Variants in SLC24A2 observed in about 807,000 individuals in gnomAD.
The protein encoded by SLC24A2 is sodium/potassium/calcium exchanger 2.
A neutral mutation model predicts 62.0 loss-of-function variants in SLC24A2; 36 were observed. That is an observed-to-expected ratio of 0.58 (90% confidence interval 0.44 to 0.77). The LOEUF (loss-of-function observed/expected upper bound fraction) is 0.77, where lower values mean the gene tolerates loss of function less well. Among genes scored for constraint, SLC24A2 ranks in the 30% least tolerant of loss-of-function variants. The pLI, the probability that SLC24A2 is intolerant of heterozygous loss-of-function variation, is 0.00. For synonymous variants in SLC24A2, 358 were observed against 294.0 expected, an observed-to-expected ratio of 1.22 and a Z score of -2.23; for missense variants, 846 against 817.9, an observed-to-expected ratio of 1.03 and a Z score of -0.42.
rs1384840847 is a variant in SLC24A2 at position 19,513,117 on chromosome 9, G to C, written c.*3036C>G. On this transcript the variant is annotated 3_prime_UTR_variant, in exon 11 of 11. Transcript: ENST00000341998. ...ATAGGGTCAGAGGGTGATGATGTAA[G>C]TCATATTATATGTGTACATATAGAT... 7.1e-6 allele frequency: 1 copy of C among 141,840 alleles called. No homozygotes were observed. Among genetic ancestry groups the C allele is most frequent in the Non-Finnish European group, 1.5e-5 (1 of 66,856 alleles). 8.8% of individuals were successfully genotyped at this position (141,840 alleles called of 1,614,324 possible).
chr9:20,241,159 G>A, the SLC24A2 span, among the ~76,000 whole-genome samples: 2 of 152,174 alleles, frequency 1.3e-5, no homozygotes, highest in African/African-American at 2.4e-5. Context: ...GCAAAGACAC[G>A]CATCCAGTGC....
chr9:20,274,431 G>A, the SLC24A2 span, among the ~76,000 whole-genome samples: 11 of 152,176 alleles, frequency 7.2e-5, no homozygotes, highest in Non-Finnish European at 1.0e-4. Flanking sequence ...TCAAAAAAGT[G>A]TCCTGATCCA....
intron 2 of SLC24A2, among the ~76,000 whole-genome samples, chr9:19,757,864 T>C (rs1007734615): frequency 2.6e-5 from 4 of 152,100 alleles, no homozygotes; most frequent in Admixed American, 6.6e-5. Context: ...GACTGTATTA[T>C]TACTCTTGAG....
chr9:19,820,893 A>T, the SLC24A2 span, among the ~76,000 whole-genome samples: 1 of 152,138 alleles, frequency 6.6e-6, no homozygotes, highest in Non-Finnish European at 1.5e-5. Context: ...TGTTTTCTGC[A>T]ATATCAAGGA....
chr9:20,113,826 A>T, the SLC24A2 span, among the ~76,000 whole-genome samples: 137 of 152,290 alleles, frequency 9.0e-4, no homozygotes, highest in African/African-American at 2.9e-3. Flanking sequence ...TTCAATCAAG[A>T]TGGAGTAACT....
chr9:20,005,187 A>G, the SLC24A2 span, among the ~76,000 whole-genome samples: 1 of 152,200 alleles, frequency 6.6e-6, no homozygotes, highest in East Asian at 1.9e-4. Context: ...ATTAATAATT[A>G]CCATTCACTT....
chr9:19,817,939 A>C, the SLC24A2 span, among the ~76,000 whole-genome samples: 1 of 152,046 alleles, frequency 6.6e-6, no homozygotes, highest in African/African-American at 2.4e-5. Flanking sequence ...TATGTTACCC[A>C]GGCTGGTCTT....
intron 7 of SLC24A2, among the ~76,000 whole-genome samples, chr9:19,566,196 A>G (rs1835642071): frequency 6.6e-6 from 1 of 150,976 alleles, no homozygotes; most frequent in Admixed American, 6.6e-5. Flanking sequence ...GAATGGGAGA[A>G]AATTTTTGCA....
At chr9:19,880,611 T>C in the SLC24A2 span, among the ~76,000 whole-genome samples, 345 of 152,218 alleles carry the variant, frequency 2.3e-3, 2 homozygotes, top group African/African-American at 8.2e-3. Context: ...AAAAAAGCAG[T>C]TGGATTCTTG....
At chr9:19,978,574 C>G in the SLC24A2 span, among the ~76,000 whole-genome samples, 1 of 151,638 alleles carries the variant, frequency 6.6e-6, no homozygotes, top group African/African-American at 2.4e-5. Context: ...AAGAAAAATT[C>G]AAGGAAAGAA....
At chr9:19,648,083 A>G (rs542042180) in intron 2 of SLC24A2, among the ~76,000 whole-genome samples, 1 of 152,336 alleles carries the variant, frequency 6.6e-6, no homozygotes, top group African/African-American at 2.4e-5. Flanking sequence ...TGGTGCTAAC[A>G]TTAACTAAAG....
At chr9:20,264,978 A>C in the SLC24A2 span, among the ~76,000 whole-genome samples, 325 of 152,310 alleles carry the variant, frequency 2.1e-3, no homozygotes, top group African/African-American at 7.6e-3. Context: ...CCTATCTAGG[A>C]TTCACCCGTG....
At chr9:20,077,269 T>C in the SLC24A2 span, among the ~76,000 whole-genome samples, 2 of 152,090 alleles carry the variant, frequency 1.3e-5, no homozygotes. Flanking sequence ...TAGGGATTTT[T>C]GTTAAATAGA....
chr9:19,960,567 A>G, the SLC24A2 span, among the ~76,000 whole-genome samples: 1 of 152,194 alleles, frequency 6.6e-6, no homozygotes, highest in Non-Finnish European at 1.5e-5. Flanking sequence ...CTCACCCATA[A>G]AATGGGGGTA....
chr9:19,562,936 T>G (rs969572593), intron 7 of SLC24A2, among the ~76,000 whole-genome samples: 1 of 152,028 alleles, frequency 6.6e-6, no homozygotes, highest in African/African-American at 2.4e-5. Flanking sequence ...AAGAACTATT[T>G]CTACAAAAGA....
At chr9:19,748,442 G>T (rs188896431) in intron 2 of SLC24A2, among the ~76,000 whole-genome samples, 2 of 152,254 alleles carry the variant, frequency 1.3e-5, no homozygotes, top group Admixed American at 1.3e-4. Flanking sequence ...ATGTAGTGGG[G>T]TAAGTGGTGG....
chr9:19,923,096 G>A, the SLC24A2 span, among the ~76,000 whole-genome samples: 1 of 151,832 alleles, frequency 6.6e-6, no homozygotes, highest in African/African-American at 2.4e-5. Context: ...GACCTTAAAA[G>A]TATTGTGGGC....
the SLC24A2 span, among the ~76,000 whole-genome samples, chr9:20,026,078 C>A: frequency 6.6e-6 from 1 of 152,124 alleles, no homozygotes; most frequent in Non-Finnish European, 1.5e-5. Context: ...GGTCAAATTG[C>A]ATATTTTTTC....
At chr9:19,702,754 T>C (rs1475635048) in intron 2 of SLC24A2, among the ~76,000 whole-genome samples, 2 of 152,182 alleles carry the variant, frequency 1.3e-5, no homozygotes, top group Non-Finnish European at 1.5e-5. Flanking sequence ...GTGTTTTATC[T>C]TGAGTTACCT....
Sources: allele counts gnomAD v4.1 joint callset (sites outside exome capture counted in the v4.1 genomes callset), GRCh38; gene constraint gnomAD v4.1.1; transcripts MANE v1.5; gene names NCBI Gene and HGNC (gene_info 2026-07-23, HGNC 2026-07-21).